SH3GL3: variants seen among roughly 807,000 people sequenced by gnomAD.
The protein encoded by SH3GL3 is endophilin-A3.
Under a neutral mutation model 47.7 loss-of-function variants are expected in SH3GL3, and 33 were observed. The observed-to-expected ratio is 0.69, with a 90% CI of 0.52 to 0.92. SH3GL3 has a LOEUF of 0.92. Ranked by LOEUF, SH3GL3 falls within the 40% of genes least tolerant of loss-of-function variation. The pLI is 0.00. For synonymous variants in SH3GL3, 155 were observed against 148.8 expected (o/e 1.04, Z -0.30); for missense variants, 363 against 417.8 (o/e 0.87, Z 1.14).
At chr15:83,597,015 A>G (rs1301554865) in intron 8 of SH3GL3, among the ~76,000 whole-genome samples, 1 of 152,136 alleles carries the variant, frequency 6.6e-6, no homozygotes, top group Non-Finnish European at 1.5e-5. Context: ...CTCCAATTGT[A>G]TTAGTTCTCT....
chr15:83,538,135 G>A (rs188442823), intron 1 of SH3GL3, among the ~76,000 whole-genome samples: 105 of 152,268 alleles, frequency 6.9e-4, no homozygotes, highest in African/African-American at 2.5e-3. Flanking sequence ...GTTCTCTTGA[G>A]TATAGGTTAT....
intron 8 of SH3GL3, among the ~76,000 whole-genome samples, chr15:83,607,478 G>A (rs1015824591): frequency 6.6e-6 from 1 of 152,166 alleles, no homozygotes; most frequent in Admixed American, 6.5e-5. Context: ...CAAGGCTGGT[G>A]ATAAATGGCT....
At chr15:83,586,668 T>C (rs1193694339) in intron 6 of SH3GL3, among the ~76,000 whole-genome samples, 1 of 152,242 alleles carries the variant, frequency 6.6e-6, no homozygotes, top group East Asian at 1.9e-4. Flanking sequence ...ATCTCTCTGT[T>C]TTCAGATCCA....
chr15:83,538,111 C>G (rs1596208994), intron 1 of SH3GL3, among the ~76,000 whole-genome samples: 1 of 152,046 alleles, frequency 6.6e-6, no homozygotes. Context: ...AATGTAATAG[C>G]CCCTGGGATT....
chr15:83,554,772 C>A (rs1173711110), intron 1 of SH3GL3, among the ~76,000 whole-genome samples: 1 of 152,176 alleles, frequency 6.6e-6, no homozygotes, highest in Non-Finnish European at 1.5e-5. Context: ...TGCTGTCAAT[C>A]TTATTGTTGC....
At chr15:83,572,776 C>A in intron 5 of SH3GL3, 78 bp downstream of exon 5, 1 of 1,055,428 alleles carries the variant, frequency 9.5e-7, no homozygotes, top group Non-Finnish European at 1.4e-6. Flanking sequence ...AACGTTTCAG[C>A]AGACTGAAAG....
At chr15:83,517,189 CT>C (rs202137894) in intron 1 of SH3GL3, among the ~76,000 whole-genome samples, 3,436 of 142,972 alleles carry the variant, frequency 0.024, 28 homozygotes, top group Non-Finnish European at 0.037. Context: ...TCTTTCTTTT[CT>C]TTTTCTTTTC....
intron 1 of SH3GL3, among the ~76,000 whole-genome samples, chr15:83,460,016 G>T (rs1230898187): frequency 3.3e-5 from 1 of 29,854 alleles, no homozygotes. Context: ...CTCCCCTCCC[G>T]TCCCCTCCCC....
At chr15:83,628,081 T>TA in the SH3GL3 span, among the ~76,000 whole-genome samples, 2 of 152,152 alleles carry the variant, frequency 1.3e-5, no homozygotes, top group African/African-American at 2.4e-5. Context: ...TTCAGGGCAC[T>TA]CAAACACACA....
At chr15:83,576,857 C>T in intron 6 of SH3GL3, 116 bp downstream of exon 6, 1 of 586,900 alleles carries the variant, frequency 1.7e-6, no homozygotes, top group Non-Finnish European at 2.9e-6. Flanking sequence ...TTTTGGCTTC[C>T]CTGGGCCACA....
Position 83,572,659 on chromosome 15 carries a change from A to G in SH3GL3, c.426A>G (p.Pro142=). Residue 142 remains proline (P), a synonymous_variant, in exon 5 of 9, where the codon CCA becomes CCG. Transcript: ENST00000427482. ...DINVKQTFID[P]LQLLQDKDLK... ...ATGTAAAGCAAACTTTTATTGATCC[A>G]CTTCAGTTACTACAAGATAAAGATT... 1 of 1,610,760 alleles carries G rather than the reference A, an allele frequency of 6.2e-7. No individual in the cohort carries two copies. The highest frequency in any genetic ancestry group is 2.2e-5 in the East Asian group (1 of 44,846).
At chr15:83,577,856 G>A (rs1367043804) in intron 6 of SH3GL3, among the ~76,000 whole-genome samples, 1 of 152,238 alleles carries the variant, frequency 6.6e-6, no homozygotes, top group Non-Finnish European at 1.5e-5. Context: ...TTGCCATTTT[G>A]CTGAGACTGA....
At chr15:83,598,346 C>T (rs1045440695) in intron 8 of SH3GL3, among the ~76,000 whole-genome samples, 7 of 152,184 alleles carry the variant, frequency 4.6e-5, no homozygotes, top group Non-Finnish European at 8.8e-5. Flanking sequence ...CACAGCATTC[C>T]GCTTTGGGAG....
intron 1 of SH3GL3, among the ~76,000 whole-genome samples, chr15:83,557,089 G>A (rs981083004): frequency 1.3e-5 from 2 of 152,288 alleles, no homozygotes; most frequent in African/African-American, 4.8e-5. Context: ...AAAGCAAGTC[G>A]AAGCGTGGAA....
intron 2 of SH3GL3, among the ~76,000 whole-genome samples, chr15:83,559,572 G>A (rs935009478): frequency 2.0e-5 from 3 of 152,224 alleles, no homozygotes; most frequent in African/African-American, 4.8e-5. Flanking sequence ...GTGGCCAGAA[G>A]TCAGAATGTG....
intron 1 of SH3GL3, among the ~76,000 whole-genome samples, chr15:83,531,673 G>T (rs2043681398): frequency 1.3e-5 from 2 of 152,156 alleles, no homozygotes; most frequent in Admixed American, 1.3e-4. Context: ...GCAGTTGTAT[G>T]GAGGAAGAAT....
chr15:83,540,264 AATC>A (rs1425974551), intron 1 of SH3GL3, among the ~76,000 whole-genome samples: 1 of 152,190 alleles, frequency 6.6e-6, no homozygotes, highest in Admixed American at 6.5e-5. Context: ...ACTTGAAAAT[AATC>A]ATTATTTTGT....
intron 4 of SH3GL3, among the ~76,000 whole-genome samples, chr15:83,569,887 A>G (rs958619075): frequency 6.6e-6 from 1 of 152,152 alleles, no homozygotes; most frequent in Non-Finnish European, 1.5e-5. Context: ...TGAGCTCTTT[A>G]AATGGTCAGG....
intron 1 of SH3GL3, among the ~76,000 whole-genome samples, chr15:83,460,245 C>T (rs1205634887): frequency 1.3e-5 from 2 of 151,332 alleles, no homozygotes; most frequent in Non-Finnish European, 1.5e-5. Flanking sequence ...AGATTAAAGA[C>T]GGATGCTGCC....
Sources: allele counts gnomAD v4.1 joint callset (sites outside exome capture counted in the v4.1 genomes callset), GRCh38; gene constraint gnomAD v4.1.1; transcripts MANE v1.5; gene names NCBI Gene and HGNC (gene_info 2026-07-23, HGNC 2026-07-21).